CSMD1: variants seen among roughly 807,000 people sequenced by gnomAD.
CSMD1 encodes the protein CUB and Sushi multiple domains 1, also known as CUB and sushi domain-containing protein 1.
A neutral mutation model predicts 417.5 loss-of-function variants in CSMD1; 213 were observed. That is an observed-to-expected ratio of 0.51 (90% CI 0.46 to 0.57). The LOEUF (loss-of-function observed/expected upper bound fraction) is 0.57, where lower values mean the gene tolerates loss of function less well. CSMD1 is among the 20% of genes least tolerant of loss of function. The pLI is 0.00. For synonymous variants in CSMD1, 2,862 were observed against 1,736.8 expected (o/e 1.65, Z -16.11); for missense variants, 6,923 against 4,529.7 (o/e 1.53, Z -15.17).
chr8:4,798,890 G>A (rs1046435341), intron 1 of CSMD1, among the ~76,000 whole-genome samples: 4 of 152,122 alleles, frequency 2.6e-5, no homozygotes, highest in East Asian at 1.9e-4. Context: ...GATAAAGTAA[G>A]ACCTCAGACC....
chr8:4,237,469 G>T (rs1044358204), intron 3 of CSMD1, among the ~76,000 whole-genome samples: 1 of 152,028 alleles, frequency 6.6e-6, no homozygotes, highest in Non-Finnish European at 1.5e-5. Context: ...TTGAAGTGAG[G>T]AATAAGGTAA....
chr8:3,619,702 G>A (rs774082614), intron 7 of CSMD1, among the ~76,000 whole-genome samples: 3 of 152,088 alleles, frequency 2.0e-5, no homozygotes, highest in Non-Finnish European at 2.9e-5. Context: ...AAAGCAGAAA[G>A]AGAAAAGCAA....
At chr8:4,308,031 A>T (rs1798344635) in intron 3 of CSMD1, among the ~76,000 whole-genome samples, 2 of 152,192 alleles carry the variant, frequency 1.3e-5, no homozygotes, top group African/African-American at 4.8e-5. Flanking sequence ...ACTACAGAGC[A>T]ACGCCAGACA....
At chr8:3,393,359 G>C (rs959041951) in intron 17 of CSMD1, among the ~76,000 whole-genome samples, 2 of 152,216 alleles carry the variant, frequency 1.3e-5, no homozygotes, top group African/African-American at 4.8e-5. Context: ...GTGGAAAGAA[G>C]AGGGAATGCT....
chr8:3,520,902 G>C (rs1332823951), intron 10 of CSMD1, among the ~76,000 whole-genome samples: 7 of 152,080 alleles, frequency 4.6e-5, no homozygotes, highest in African/African-American at 1.4e-4. Context: ...GGAACCTCCT[G>C]GTCACTGAGC....
chr8:3,928,097 T>A lies in CSMD1; in HGVS notation c.818+69806A>T, dbSNP rs529437074. On this transcript the variant is annotated intron_variant, in intron 5 of 69. Transcript: ENST00000635120. ...AAGGAGGCCTGAGTTTATGAAAGTA[T>A]AAAGGACATACAAAGGTAAATAAAC... Among the ~76,000 whole-genome samples the A allele has an allele frequency of 5.9e-5, 9 of 152,278 alleles. No homozygotes were observed. The East Asian group carries it at 1.7e-3, about 29-fold the overall frequency.
intron 3 of CSMD1, among the ~76,000 whole-genome samples, chr8:4,330,927 C>T (rs531326627): frequency 8.7e-4 from 133 of 152,228 alleles, no homozygotes; most frequent in African/African-American, 3.1e-3. Context: ...ACATTGGATT[C>T]ACTTTTCCCC....
At chr8:3,137,766 A>C (rs1269091403) in intron 41 of CSMD1, among the ~76,000 whole-genome samples, 1 of 152,230 alleles carries the variant, frequency 6.6e-6, no homozygotes, top group East Asian at 1.9e-4. Flanking sequence ...TGTTCAGTGG[A>C]AACACAACCA....
intron 2 of CSMD1, among the ~76,000 whole-genome samples, chr8:4,455,959 A>AAAAAAAAAAAAAAAAC: frequency 7.0e-6 from 1 of 143,686 alleles, no homozygotes; most frequent in Non-Finnish European, 1.5e-5. Flanking sequence ...AAAAAAAAAA[A>AAAAAAAAAAAAAAAAC]AAAATGCAGT....
intron 5 of CSMD1, among the ~76,000 whole-genome samples, chr8:3,853,144 C>T (rs1192927325): frequency 6.6e-6 from 1 of 152,114 alleles, no homozygotes; most frequent in African/African-American, 2.4e-5. Flanking sequence ...GCTGAGCCCG[C>T]GTCCCTTGGC....
At chr8:4,590,279 A>G (rs182571635) in intron 2 of CSMD1, among the ~76,000 whole-genome samples, 2 of 152,256 alleles carry the variant, frequency 1.3e-5, no homozygotes, top group East Asian at 3.9e-4. Context: ...CCATGGGGAC[A>G]GAAAAGTTCT....
At chr8:3,226,902 G>A (rs1165978905) in intron 27 of CSMD1, among the ~76,000 whole-genome samples, 1 of 151,538 alleles carries the variant, frequency 6.6e-6, no homozygotes, top group African/African-American at 2.4e-5. Flanking sequence ...TGATCAATCA[G>A]GAAAGAACAA....
rs554518306 is a variant in CSMD1, at chr8:3,684,014, T to G, written c.1009+24400A>C. ...ACTCATTAGAACACATTCAAATTAA[T>G]GGACTAACACCAAAGAGACAGTCTT... is the stretch of plus-strand genomic sequence containing the variant. On this transcript the variant is annotated intron_variant, in intron 7 of 69. Transcript: ENST00000635120. Among the ~76,000 whole-genome samples, 5 of 151,214 alleles carry G rather than the reference T, an allele frequency of 3.3e-5. No individual in the cohort carries two copies. The East Asian group carries it at 9.7e-4, about 29-fold the overall frequency.
Position 4,168,174 on chromosome 8 carries a change from CACAT to C in CSMD1, c.416-136079_416-136076del, listed in dbSNP as rs1447462877. On this transcript the variant is annotated intron_variant, in intron 3 of 69. Transcript: ENST00000635120. Reference sequence around the variant, plus strand: ...ACACACACACACACACACACACACACACATACACACACACGTATGTATGTATATA... The same window carrying C: ...ACACACACACACACACACACACACACACACACACACGTATGTATGTATATA... Among the ~76,000 whole-genome samples, 798 of 129,988 alleles carry C rather than the reference CACAT, an allele frequency of 6.1e-3. 9 individuals are homozygous for C. The highest frequency in any genetic ancestry group is 0.016 in the South Asian group (63 of 4,018). The allele number at this position is 129,988 out of a possible 152,430, so 85.3% of individuals were successfully genotyped here. A position where few individuals can be genotyped will look rare whatever the true frequency, so the allele number is the denominator to read the frequency against.
At chr8:3,901,365 T>C (rs1232063033) in intron 5 of CSMD1, among the ~76,000 whole-genome samples, 1 of 152,218 alleles carries the variant, frequency 6.6e-6, no homozygotes, top group Non-Finnish European at 1.5e-5. Flanking sequence ...AGTGTGTTGA[T>C]TGGAAGTGAA....
rs751928290 is a variant in CSMD1, at chr8:3,118,567, G to C, written c.6262C>G (p.Pro2088Ala). Residue 2088 changes from proline to alanine, a missense_variant, in exon 42 of 70, where the codon CCA becomes GCA. By Grantham distance (27) the Pro-to-Ala change is conservative. Coordinates refer to ENST00000635120, the MANE Select transcript of CSMD1 (RefSeq NM_033225.6). ...CCATTCTGAAATGGGGGTGGATCTGGACAGTTCTGTAATTCATAGGCTGAA... is the reference window on the plus strand; with the variant it reads ...CCATTCTGAAATGGGGGTGGATCTGCACAGTTCTGTAATTCATAGGCTGAA... Reference protein sequence around the residue: ...AYQAYELQNCPDPPPFQNGYM... With the variant: ...AYQAYELQNCADPPPFQNGYM... 3.1e-6 allele frequency: 5 copies of C among 1,613,378 alleles called. No homozygotes were observed. In the African/African-American group the frequency reaches 6.7e-5, roughly 22 times the overall value.
At chr8:4,419,399 G>A (rs1797125022) in intron 3 of CSMD1, among the ~76,000 whole-genome samples, 1 of 152,088 alleles carries the variant, frequency 6.6e-6, no homozygotes, top group Admixed American at 6.6e-5. Context: ...TCTGCCAAAA[G>A]CCGTTTTAAT....
At position 3,452,864 on chromosome 8, in the gene CSMD1, A is replaced by G. The variant is rs955129161; in HGVS notation, c.1561+15848T>C. Among the ~76,000 whole-genome samples, 8 of 152,056 alleles carry G rather than the reference A, an allele frequency of 5.3e-5. No homozygotes were observed. In the East Asian group the frequency reaches 1.2e-3, roughly 22 times the overall value. On this transcript the variant is annotated intron_variant, in intron 12 of 69. Transcript: ENST00000635120. ...GTTAGGGAGGATTCCCTCTTTTTCT[A>G]TTGATTGGAATAGTTTCAGAAGGAA...
Position 3,001,036 on chromosome 8 carries a change from G to A in CSMD1, c.8030-905C>T, listed in dbSNP as rs1807364205. The stretch of plus-strand genomic sequence containing the variant: ...GCTCTGTCACTCAAGCTGGAATGCA[G>A]TGGCACCATCACGGCTCACCGTAGC... On this transcript the variant is annotated intron_variant, in intron 52 of 69. Coordinates refer to ENST00000635120, the MANE Select transcript of CSMD1 (RefSeq NM_033225.6). Among the ~76,000 whole-genome samples the A allele has an allele frequency of 2.6e-5, 4 of 151,294 alleles. No individual in the cohort carries two copies. In the South Asian group the frequency reaches 8.4e-4, roughly 32 times the overall value.
Sources: gnomAD v4.1 joint callset for allele counts (sites outside exome capture counted in the v4.1 genomes callset) on GRCh38, gnomAD v4.1.1 for gene constraint, MANE v1.5 for transcripts, NCBI Gene and HGNC (gene_info 2026-07-23, HGNC 2026-07-21) for gene names.